Variants in GNAL observed in about 807,000 individuals in gnomAD.
The protein encoded by GNAL is guanine nucleotide-binding protein G(olf) subunit alpha.
Under a neutral mutation model 55.1 loss-of-function variants are expected in GNAL, and 18 were observed. That is an observed-to-expected ratio of 0.33 (90% CI 0.23 to 0.48). The LOEUF (loss-of-function observed/expected upper bound fraction) is 0.48, where lower values mean the gene tolerates loss of function less well. GNAL is among the 20% of genes least tolerant of loss of function. The pLI is 0.99. For synonymous variants in GNAL, 253 were observed against 237.0 expected, an observed-to-expected ratio of 1.07 and a Z score of -0.62; for missense variants, 412 against 614.1, an observed-to-expected ratio of 0.67 and a Z score of 3.48.
At chr18:11,809,236 C>T (rs1028907071) in intron 4 of GNAL, among the ~76,000 whole-genome samples, 5 of 150,832 alleles carry the variant, frequency 3.3e-5, no homozygotes, top group African/African-American at 4.9e-5. Flanking sequence ...CCAGCCTGGG[C>T]GACAGAGCGA....
Position 11,854,185 on chromosome 18 carries a change from C to A in GNAL, c.723-8210C>A, listed in dbSNP as rs563298434. 4 of 167,072 alleles carry A rather than the reference C, an allele frequency of 2.4e-5. No homozygotes were observed. The South Asian group carries it at 8.3e-4, about 35-fold the overall frequency. The allele number at this position is 167,072 out of a possible 1,614,324, so 10.3% of individuals were successfully genotyped here. The stretch of plus-strand genomic sequence containing the variant: ...CTTTAAAAATAGCTTAGTGTTGAAC[C>A]CTTTGGTAAACTAAAGACCCTTTTA... On this transcript the variant is annotated intron_variant, in intron 5 of 11. Coordinates refer to ENST00000334049, the MANE Select transcript of GNAL (RefSeq NM_182978.4).
chr18:11,786,687 G>A (rs942909148), intron 4 of GNAL, among the ~76,000 whole-genome samples: 4 of 146,942 alleles, frequency 2.7e-5, no homozygotes, highest in Non-Finnish European at 4.4e-5. Flanking sequence ...TCCTGACCTC[G>A]TGATCTGCCC....
chr18:11,845,118 C>G (rs1035056927), intron 5 of GNAL, among the ~76,000 whole-genome samples: 14 of 152,180 alleles, frequency 9.2e-5, no homozygotes, highest in African/African-American at 3.4e-4. Flanking sequence ...CCCACCTCAG[C>G]CTCCCAAAGT....
At chr18:11,721,590 T>C (rs1237301812) in intron 1 of GNAL, among the ~76,000 whole-genome samples, 1 of 151,806 alleles carries the variant, frequency 6.6e-6, no homozygotes, top group Non-Finnish European at 1.5e-5. Flanking sequence ...ACCCCGTCTC[T>C]ATTAAAAATA....
intron 5 of GNAL, chr18:11,851,288 C>A: frequency 3.9e-6 from 2 of 514,120 alleles, no homozygotes; most frequent in Non-Finnish European, 6.7e-6. Flanking sequence ...CCTGCATGCG[C>A]AGCCCCTGGC....
intron 1 of GNAL, among the ~76,000 whole-genome samples, chr18:11,748,986 T>C (rs2143065391): frequency 6.6e-6 from 1 of 151,794 alleles, no homozygotes; most frequent in East Asian, 1.9e-4. Context: ...ATTAGCTGGG[T>C]GTGATGGCGG....
chr18:11,695,274 T>C (rs995418028), intron 1 of GNAL, among the ~76,000 whole-genome samples: 12 of 152,216 alleles, frequency 7.9e-5, no homozygotes, highest in African/African-American at 2.9e-4. Context: ...TAAAATGTAA[T>C]CTACATGGCT....
At chr18:11,830,147 CT>C (rs1204990714) in intron 5 of GNAL, among the ~76,000 whole-genome samples, 18 of 152,182 alleles carry the variant, frequency 1.2e-4, no homozygotes, top group African/African-American at 3.9e-4. Context: ...ACTCACTCGC[CT>C]TTCCCCATGC....
chr18:11,754,851 A>C (rs918526935), intron 4 of GNAL, among the ~76,000 whole-genome samples: 8 of 152,244 alleles, frequency 5.3e-5, no homozygotes, highest in African/African-American at 1.7e-4. Context: ...GAGTGACATC[A>C]ATCTTAGTTT....
At chr18:11,717,776 A>T (rs745826718) in intron 1 of GNAL, among the ~76,000 whole-genome samples, 12 of 152,228 alleles carry the variant, frequency 7.9e-5, no homozygotes, top group Non-Finnish European at 1.8e-4. Flanking sequence ...GGAACAATAC[A>T]CACTGGAACC....
intron 4 of GNAL, among the ~76,000 whole-genome samples, chr18:11,773,191 GC>G (rs555551944): frequency 7.2e-4 from 110 of 152,348 alleles, no homozygotes; most frequent in African/African-American, 2.5e-3. Flanking sequence ...CCTTACCAGG[GC>G]TTGCACGTCT....
chr18:11,826,210 G>A (rs1002426906), intron 5 of GNAL, among the ~76,000 whole-genome samples: 2 of 151,920 alleles, frequency 1.3e-5, no homozygotes, highest in Non-Finnish European at 2.9e-5. Flanking sequence ...CAGAGAGCCA[G>A]GCTCCAAGGG....
intron 4 of GNAL, among the ~76,000 whole-genome samples, chr18:11,780,836 G>A (rs1185513539): frequency 6.6e-6 from 1 of 152,146 alleles, no homozygotes; most frequent in Non-Finnish European, 1.5e-5. Flanking sequence ...ACCAGAAAAG[G>A]ACTTGAATTA....
intron 11 of GNAL, among the ~76,000 whole-genome samples, chr18:11,878,122 T>C (rs2036575636): frequency 6.6e-6 from 1 of 152,188 alleles, no homozygotes; most frequent in African/African-American, 2.4e-5. Flanking sequence ...TAAATGTTAA[T>C]TAAGCATGCA....
chr18:11,879,074 G>A (rs910227766), intron 11 of GNAL, among the ~76,000 whole-genome samples: 3 of 142,166 alleles, frequency 2.1e-5, no homozygotes, highest in African/African-American at 8.0e-5. Flanking sequence ...CCTGCACGTT[G>A]TGCACATGTA....
chr18:11,858,038 T>C (rs1441731950), intron 5 of GNAL, among the ~76,000 whole-genome samples: 1 of 152,222 alleles, frequency 6.6e-6, no homozygotes, highest in Non-Finnish European at 1.5e-5. Flanking sequence ...TCCAGTAGTT[T>C]GATTACAAAG....
intron 1 of GNAL, among the ~76,000 whole-genome samples, chr18:11,708,125 T>C (rs540993229): frequency 6.6e-5 from 10 of 152,372 alleles, no homozygotes; most frequent in Admixed American, 3.3e-4. Flanking sequence ...GAAGTCTCTC[T>C]TGGCATTCAC....
intron 4 of GNAL, among the ~76,000 whole-genome samples, chr18:11,806,636 T>G (rs559455685): frequency 5.3e-5 from 8 of 152,152 alleles, no homozygotes; most frequent in Middle Eastern, 3.4e-3. Flanking sequence ...CCTTCCACTT[T>G]GATATTCACA....
At chr18:11,753,069 G>T (rs1598429711) in intron 2 of GNAL, 144 bp downstream of exon 2, 1 of 304,324 alleles carries the variant, frequency 3.3e-6, no homozygotes, top group South Asian at 5.0e-5. Flanking sequence ...ATTTGCTGTT[G>T]GATTTGGTAT....
Sources: gnomAD v4.1 joint callset for allele counts (sites outside exome capture counted in the v4.1 genomes callset) on GRCh38, gnomAD v4.1.1 for gene constraint, MANE v1.5 for transcripts, NCBI Gene and HGNC (gene_info 2026-07-23, HGNC 2026-07-21) for gene names.